PDE3B: variants seen among roughly 807,000 people sequenced by gnomAD.
PDE3B encodes the protein phosphodiesterase 3B.
PDE3B carries 66 observed loss-of-function variants against 116.8 expected under a neutral mutation model. The ratio of observed to expected loss-of-function variants is 0.56; its 90% confidence interval spans 0.46 to 0.69. The LOEUF (loss-of-function observed/expected upper bound fraction) is 0.69. Ranked by LOEUF, PDE3B falls within the 30% of genes least tolerant of loss-of-function variation. PDE3B has a pLI of 0.00. For missense variants in PDE3B, 1,384 were observed against 1,368.1 expected (o/e 1.01, Z -0.18); for synonymous variants, 595 against 533.6 (o/e 1.12, Z -1.59).
the PDE3B span, chr11:14,887,490 C>T: frequency 8.4e-6 from 6 of 710,488 alleles, no homozygotes; most frequent in Non-Finnish European, 8.6e-6. Context: ...AAAACTTATC[C>T]TTAAACTGCT....
intron 1 of PDE3B, among the ~76,000 whole-genome samples, chr11:14,734,603 G>A (rs894496164): frequency 6.6e-5 from 10 of 151,982 alleles, no homozygotes; most frequent in African/African-American, 1.7e-4. Flanking sequence ...ATAATATGAA[G>A]TATATTAATT....
intron 1 of PDE3B, among the ~76,000 whole-genome samples, chr11:14,665,427 G>T (rs1283502750): frequency 6.6e-6 from 1 of 152,178 alleles, no homozygotes; most frequent in Non-Finnish European, 1.5e-5. Context: ...GGGCAATTAG[G>T]CAGGAGAAGG....
intron 1 of PDE3B, among the ~76,000 whole-genome samples, chr11:14,677,063 AC>A (rs1486833914): frequency 6.6e-6 from 1 of 151,948 alleles, no homozygotes; most frequent in Non-Finnish European, 1.5e-5. Context: ...AAGACTTGAC[AC>A]CCTTGTCTAA....
intron 1 of PDE3B, among the ~76,000 whole-genome samples, chr11:14,689,122 T>G (rs1854976113): frequency 6.6e-6 from 1 of 152,134 alleles, no homozygotes; most frequent in South Asian, 2.1e-4. Context: ...GGTGGAATAA[T>G]CTGGATTTGT....
At chr11:14,875,513 C>CT (rs1200836253), downstream of PDE3B, among the ~76,000 whole-genome samples, 4 of 152,160 alleles carry the variant, frequency 2.6e-5, no homozygotes, top group African/African-American at 9.7e-5. Context: ...AGAGAGAAGG[C>CT]ATCCCTATTG....
At chr11:14,715,615 C>G (rs1266761803) in intron 1 of PDE3B, among the ~76,000 whole-genome samples, 1 of 152,108 alleles carries the variant, frequency 6.6e-6, no homozygotes, top group Non-Finnish European at 1.5e-5. Flanking sequence ...GATTTTGTAT[C>G]CTGAGACTTT....
chr11:14,891,213 C>T, the PDE3B span: 8 of 985,254 alleles, frequency 8.1e-6, no homozygotes, highest in Non-Finnish European at 9.6e-6. Flanking sequence ...CTGCTTTCCC[C>T]TCCGCAGAAT....
intron 1 of PDE3B, among the ~76,000 whole-genome samples, chr11:14,722,199 T>C (rs1240583939): frequency 2.0e-5 from 3 of 151,294 alleles, no homozygotes; most frequent in Non-Finnish European, 2.9e-5. Context: ...TTAGGAGATA[T>C]GCCTAATGTT....
intron 13 of PDE3B, among the ~76,000 whole-genome samples, chr11:14,860,127 A>C (rs1458480420): frequency 6.6e-6 from 1 of 152,202 alleles, no homozygotes; most frequent in Non-Finnish European, 1.5e-5. Context: ...GGGTACCTTT[A>C]AAATTATTTC....
In PDE3B at chr11:14,822,240, A is replaced by C. The variant is rs534365743; in HGVS notation, c.1807+3031A>C. 7.2e-5 allele frequency among the ~76,000 whole-genome samples: 11 copies of C among 152,256 alleles called. No individual in the cohort carries two copies. The South Asian group carries it at 2.1e-3, about 29-fold the overall frequency. ...TACAAAAAAACAAACAAAACTCTAC[A>C]TATTGAGCTTATAGCATGTAATTAT... On this transcript the variant is annotated intron_variant, in intron 7 of 15. Transcript: ENST00000282096.
chr11:14,678,638 T>C (rs1372012123), intron 1 of PDE3B, among the ~76,000 whole-genome samples: 1 of 152,196 alleles, frequency 6.6e-6, no homozygotes, highest in East Asian at 1.9e-4. Flanking sequence ...ATATATCATC[T>C]TTGGTTAAGT....
At chr11:14,769,241 T>G (rs1188783232) in intron 1 of PDE3B, among the ~76,000 whole-genome samples, 2 of 151,412 alleles carry the variant, frequency 1.3e-5, no homozygotes, top group African/African-American at 4.8e-5. Flanking sequence ...AATACTACAA[T>G]ATTGTAATGT....
intron 2 of PDE3B, 174 bp downstream of exon 2, chr11:14,772,161 A>T (rs928578147): frequency 1.4e-5 from 5 of 352,004 alleles, no homozygotes; most frequent in Non-Finnish European, 2.6e-5. Flanking sequence ...TAGATTTTTT[A>T]AAAATATATT....
intron 5 of PDE3B, among the ~76,000 whole-genome samples, chr11:14,816,020 G>A (rs1859319512): frequency 6.6e-6 from 1 of 152,016 alleles, no homozygotes; most frequent in Non-Finnish European, 1.5e-5. Context: ...TCACACAACT[G>A]TGTGGGCTTG....
At chr11:14,872,588 G>A (rs1848154650), downstream of PDE3B, among the ~76,000 whole-genome samples, 1 of 152,292 alleles carries the variant, frequency 6.6e-6, no homozygotes, top group East Asian at 1.9e-4. Flanking sequence ...GGGAACCAAT[G>A]GAAAACTTTC....
At chr11:14,683,494 T>TATTTTATTA (rs1854776001) in intron 1 of PDE3B, among the ~76,000 whole-genome samples, 1 of 152,120 alleles carries the variant, frequency 6.6e-6, no homozygotes, top group Non-Finnish European at 1.5e-5. Context: ...TTATTATCCT[T>TATTTTATTA]TTAATATCTA....
intron 1 of PDE3B, among the ~76,000 whole-genome samples, chr11:14,702,409 G>A (rs530572859): frequency 7.4e-4 from 113 of 151,838 alleles, no homozygotes; most frequent in African/African-American, 2.6e-3. Context: ...CTTAGTTCTT[G>A]CAAAAGCAGA....
chr11:14,818,083 T>A (rs1027044692), intron 5 of PDE3B, 100 bp from the exon 6 acceptor site: 7 of 784,264 alleles, frequency 8.9e-6, no homozygotes, highest in Non-Finnish European at 1.4e-5. Flanking sequence ...CTGCTTTTTT[T>A]AAATAAGGAA....
chr11:14,726,484 A>G lies in PDE3B; in HGVS notation c.979-45453A>G, dbSNP rs542394060. On this transcript the variant is annotated intron_variant, in intron 1 of 15. Coordinates refer to ENST00000282096, the MANE Select transcript of PDE3B (RefSeq NM_000922.4). ...TGCTGAAATGTAAATTTAGTAGTCA[A>G]TAGCATATAAATGGTCATTTACACT... 2.1e-4 allele frequency among the ~76,000 whole-genome samples: 32 copies of G among 152,346 alleles called. No homozygotes were observed. In the South Asian group the frequency reaches 6.2e-3, roughly 30 times the overall value.
Sources: allele counts gnomAD v4.1 joint callset (sites outside exome capture counted in the v4.1 genomes callset), GRCh38; gene constraint gnomAD v4.1.1; transcripts MANE v1.5; gene names NCBI Gene and HGNC (gene_info 2026-07-23, HGNC 2026-07-21).